RELN: variants seen among roughly 807,000 people sequenced by gnomAD.
The protein encoded by RELN is reelin.
Under a neutral mutation model 427.6 loss-of-function variants are expected in RELN, and 108 were observed. The ratio of observed to expected loss-of-function variants is 0.25; its 90% CI spans 0.22 to 0.30. RELN has a LOEUF of 0.30. Among genes scored for constraint, RELN ranks in the 10% least tolerant of loss-of-function variants. RELN has a pLI of 1.00. For synonymous variants in RELN, 1,524 were observed against 1,513.4 expected (o/e 1.01, Z -0.16); for missense variants, 3,715 against 4,302.8 (o/e 0.86, Z 3.82).
chr7:103,480,786 G>C lies in RELN; in HGVS notation c.10280+2087C>G, dbSNP rs1397115272. On this transcript the variant is annotated intron_variant, in intron 63 of 64. Transcript: ENST00000428762. ...TTAAATTATTCCTGAAAGAAGACTT[G>C]GAGTAAAATTCAAAGCATACAACAC... 6.6e-5 allele frequency among the ~76,000 whole-genome samples: 10 copies of C among 152,246 alleles called. No individual in the cohort carries two copies. In the East Asian group the frequency reaches 1.9e-3, roughly 29 times the overall value.
At chr7:103,742,843 A>G (rs1790704078) in intron 6 of RELN, among the ~76,000 whole-genome samples, 1 of 152,216 alleles carries the variant, frequency 6.6e-6, no homozygotes, top group Non-Finnish European at 1.5e-5. Context: ...ACTCTGCAGG[A>G]TATTATCCAG....
chr7:103,596,549 C>T lies in RELN; in HGVS notation c.3446G>A (p.Arg1149Lys). The change falls in exon 25 of 65, where the codon AGA (arginine) becomes AAA (lysine). Residue 1149 changes from arginine to lysine, a missense_variant. This residue lies in a region of RELN where 2,208 missense variants were observed against 2,361.7 expected (regional missense o/e 0.93). Coordinates refer to ENST00000428762, the MANE Select transcript of RELN (RefSeq NM_005045.4). ...ESASCNKPDS[R>K]EEGVLLQYSN... ...GTACTGAAGGAGGACGCCCTCCTCT[C>T]TGCTGTCAGGCTTGTTGCATGAAGC... 3 of 1,613,992 alleles carry T rather than the reference C, an allele frequency of 1.9e-6. No individual in the cohort carries two copies. Among genetic ancestry groups the T allele is most frequent in the Non-Finnish European group, 2.5e-6 (3 of 1,179,876 alleles).
rs779816123 is a variant in RELN at position 103,515,173 on chromosome 7, T to C, written c.8119+12A>G. 3.7e-5 allele frequency: 60 copies of C among 1,614,174 alleles called. No individual in the cohort carries two copies. The highest frequency in any genetic ancestry group is 5.1e-5 in the Non-Finnish European group (60 of 1,180,028). ...CCACTGGGCTTTTTATTTAGCGCTG[T>C]GCATAATTTACCTGAAGTTTTGTCT... On this transcript the variant is annotated intron_variant, in intron 50 of 64. Transcript: ENST00000428762.
intron 2 of RELN, among the ~76,000 whole-genome samples, chr7:103,857,878 A>C (rs898379686): frequency 1.3e-5 from 2 of 152,200 alleles, no homozygotes; most frequent in Non-Finnish European, 2.9e-5. Context: ...GAAAAAAGCC[A>C]CATCTTTAAG....
chr7:103,710,233 C>G (rs1789760516), intron 8 of RELN, among the ~76,000 whole-genome samples: 1 of 152,170 alleles, frequency 6.6e-6, no homozygotes. Context: ...GGTTAAGATC[C>G]TGTCTCCATT....
chr7:103,889,065 G>A (rs1032067749), intron 2 of RELN, among the ~76,000 whole-genome samples: 5 of 152,182 alleles, frequency 3.3e-5, no homozygotes, highest in South Asian at 2.1e-4. Flanking sequence ...TGTTTCTGAC[G>A]AGAGAAAATG....
At chr7:103,885,518 C>A (rs970573656) in intron 2 of RELN, among the ~76,000 whole-genome samples, 2 of 152,100 alleles carry the variant, frequency 1.3e-5, no homozygotes, top group Non-Finnish European at 2.9e-5. Context: ...TGTTCTTACT[C>A]ATAAGTTGGA....
intron 27 of RELN, 95 bp downstream of exon 27, chr7:103,593,587 T>C: frequency 9.4e-7 from 1 of 1,065,562 alleles, no homozygotes; most frequent in Non-Finnish European, 1.5e-6. Context: ...TTTAATAGAA[T>C]ATGAAAAATT....
chr7:103,977,310 CAAAAAAAAAAAAAAAAAA>C (rs201026012), intron 1 of RELN, among the ~76,000 whole-genome samples: 2 of 88,278 alleles, frequency 2.3e-5, no homozygotes, highest in African/African-American at 1.0e-4. Flanking sequence ...GACTCTGTCT[CAAAAAAAAAAAAAAAAAA>C]AAAAAAAAAA....
chr7:103,952,576 A>G (rs2116767661), intron 1 of RELN, among the ~76,000 whole-genome samples: 1 of 141,232 alleles, frequency 7.1e-6, no homozygotes, highest in East Asian at 2.1e-4. Context: ...CTCTCTCTGG[A>G]TATAAACTTG....
chr7:103,597,535 G>A (rs1222365552), intron 24 of RELN, among the ~76,000 whole-genome samples: 1 of 152,128 alleles, frequency 6.6e-6, no homozygotes, highest in Admixed American at 6.5e-5. Context: ...CCTGGGAGAT[G>A]GAGGTTGCAG....
rs1827883603 is a variant in RELN, at chr7:103,472,289, C to T, written c.*523G>A. ...TTAATTTTCTGCAGAATATAAGTAGCCCCAAATTCAGCAGCAAAATATTAC... is the reference window on the plus strand; with the variant it reads ...TTAATTTTCTGCAGAATATAAGTAGTCCCAAATTCAGCAGCAAAATATTAC... On this transcript the variant is annotated 3_prime_UTR_variant, in exon 65 of 65. Transcript: ENST00000428762. 1 of 162,026 alleles carries T rather than the reference C, an allele frequency of 6.2e-6. No homozygotes were observed. Among genetic ancestry groups the T allele is most frequent in the South Asian group, 1.7e-4 (1 of 5,898 alleles). 10.0% of individuals were successfully genotyped at this position (162,026 alleles called of 1,614,324 possible).
chr7:103,940,691 A>G (rs1796094032), intron 1 of RELN, among the ~76,000 whole-genome samples: 1 of 152,150 alleles, frequency 6.6e-6, no homozygotes. Flanking sequence ...CAAATCTGAA[A>G]CCTGAAAGGA....
At chr7:103,537,754 G>A (rs1306344129) in intron 45 of RELN, among the ~76,000 whole-genome samples, 3 of 152,144 alleles carry the variant, frequency 2.0e-5, no homozygotes, top group Non-Finnish European at 2.9e-5. Context: ...GTTGAGGCTG[G>A]TCTGCTCTCA....
rs144879504 is a variant in RELN at position 103,908,824 on chromosome 7, A to C, written c.337+8251T>G. On this transcript the variant is annotated intron_variant, in intron 2 of 64. Transcript: ENST00000428762. ...CAAATGTAAGTTAATATCCTGTTAAAAGGAGAAATTAATGGCAATTTCATC... is the reference window on the plus strand; with the variant it reads ...CAAATGTAAGTTAATATCCTGTTAACAGGAGAAATTAATGGCAATTTCATC... Among the ~76,000 whole-genome samples the C allele has an allele frequency of 6.7e-3, 1,028 of 152,304 alleles. 12 individuals carry two copies. The highest frequency in any genetic ancestry group is 0.024 in the African/African-American group (992 of 41,572).
intron 20 of RELN, among the ~76,000 whole-genome samples, chr7:103,624,431 C>T (rs1051007195): frequency 1.3e-5 from 2 of 151,990 alleles, no homozygotes; most frequent in Non-Finnish European, 2.9e-5. Flanking sequence ...ATGTCCCACT[C>T]TACTTTTTTT....
Position 103,723,197 on chromosome 7 carries a change from G to GA in RELN, c.754-7dup. ...GTATTAAGGCCTGTGGTAATCTAAA[G>GA]AAAAAAGAATACATAAAAATAAGAC... On this transcript the variant is annotated splice_region_variant and splice_polypyrimidine_tract_variant and intron_variant, in intron 7 of 64. Transcript: ENST00000428762. 6.4e-7 allele frequency: 1 copy of GA among 1,553,182 alleles called. No homozygotes were observed.
chr7:103,720,328 T>C (rs1790044921), intron 8 of RELN, among the ~76,000 whole-genome samples: 1 of 152,050 alleles, frequency 6.6e-6, no homozygotes, highest in African/African-American at 2.4e-5. Context: ...ACATTTGTTA[T>C]GCAACTGAAA....
Position 103,603,310 on chromosome 7 carries a change from G to A in RELN, c.3327C>T (p.Phe1109=), listed in dbSNP as rs779464738. 6.2e-7 allele frequency: 1 copy of A among 1,613,524 alleles called. No homozygotes were observed. The highest frequency in any genetic ancestry group is 8.5e-7 in the Non-Finnish European group (1 of 1,179,486). ...TCCCAGCTGTTGGTCATACCTTGCTGAAGTACAGAGATGATCCAGAAGAGA... is the reference window on the plus strand; with the variant it reads ...TCCCAGCTGTTGGTCATACCTTGCTAAAGTACAGAGATGATCCAGAAGAGA... The part of the protein sequence containing the change: ...GVISSGSSLY[F]SKAGKRQLVS... Residue 1109 remains phenylalanine, a synonymous_variant, in exon 24 of 65, where the codon TTC becomes TTT. Transcript: ENST00000428762. This position sits in a 1 kb window ranked among gnomAD's most constrained non-coding sequence, Gnocchi z 4.3.
Sources: gnomAD v4.1 joint callset for allele counts (sites outside exome capture counted in the v4.1 genomes callset) on GRCh38, gnomAD v4.1.1 for gene constraint, gnomAD v4.1.1 regional missense constraint, Gnocchi (gnomAD v3.1) non-coding constraint, MANE v1.5 for transcripts, NCBI Gene and HGNC (gene_info 2026-07-23, HGNC 2026-07-21) for gene names.